KAZN: variants seen among roughly 807,000 people sequenced by gnomAD.
KAZN encodes kazrin.
A neutral mutation model predicts 87.4 loss-of-function variants in KAZN; 40 were observed. The observed-to-expected ratio is 0.46, with a 90% CI of 0.36 to 0.60. The LOEUF (loss-of-function observed/expected upper bound fraction) is 0.60. Ranked by LOEUF, KAZN falls within the 20% of genes least tolerant of loss-of-function variation. The pLI is 0.00. For missense variants in KAZN, 898 were observed against 1,073.9 expected (o/e 0.84, Z 2.29); for synonymous variants, 466 against 458.3 (o/e 1.02, Z -0.22).
At chr1:13,999,330 G>A (rs997149919) in intron 1 of KAZN, among the ~76,000 whole-genome samples, 3 of 149,974 alleles carry the variant, frequency 2.0e-5, no homozygotes, top group South Asian at 2.1e-4. Flanking sequence ...CCTGGGTGAC[G>A]GTGCAAGACT....
chr1:14,073,882 T>A (rs572678295), intron 1 of KAZN, among the ~76,000 whole-genome samples: 55 of 152,174 alleles, frequency 3.6e-4, no homozygotes, highest in Non-Finnish European at 7.4e-5. Flanking sequence ...GTCTTTATAG[T>A]GGAATGATTT....
chr1:14,178,188 C>G (rs930009763), intron 1 of KAZN, among the ~76,000 whole-genome samples: 5 of 152,154 alleles, frequency 3.3e-5, no homozygotes, highest in African/African-American at 1.2e-4. Flanking sequence ...TTTCCTGAGG[C>G]CTCCCCAGCC....
chr1:13,908,023 T>C lies in KAZN; in HGVS notation c.91+14267T>C, dbSNP rs72639048. On this transcript the variant is annotated intron_variant, in intron 1 of 16. Transcript: ENST00000636203. ...TTAGCAGTGGTAGCAGGAGATGGAA[T>C]AGATGACAAGGCAAAGAGAACATTT... is the stretch of plus-strand genomic sequence containing the variant. 3.4e-3 allele frequency among the ~76,000 whole-genome samples: 516 copies of C among 152,334 alleles called. 3 individuals are homozygous for C. Among genetic ancestry groups the C allele is most frequent in the Non-Finnish European group, 4.1e-3 (276 of 68,026 alleles).
intron 1 of KAZN, among the ~76,000 whole-genome samples, chr1:14,884,657 G>A (rs1165526826): frequency 1.3e-5 from 2 of 152,234 alleles, no homozygotes; most frequent in African/African-American, 4.8e-5. Context: ...CACATGAGGA[G>A]CTTGTTAATT....
At chr1:14,364,597 G>GA (rs962818588) in intron 2 of KAZN, among the ~76,000 whole-genome samples, 3 of 151,994 alleles carry the variant, frequency 2.0e-5, no homozygotes, top group African/African-American at 4.8e-5. Context: ...ATCATTCTAA[G>GA]AAAAAAAATT....
intron 1 of KAZN, among the ~76,000 whole-genome samples, chr1:14,889,152 T>A (rs1434765523): frequency 1.3e-5 from 2 of 152,130 alleles, no homozygotes; most frequent in Non-Finnish European, 2.9e-5. Flanking sequence ...TGCTCAAAGG[T>A]TACACACACC....
intron 2 of KAZN, among the ~76,000 whole-genome samples, chr1:14,430,415 A>T (rs1231674548): frequency 1.3e-5 from 2 of 152,188 alleles, no homozygotes; most frequent in African/African-American, 2.4e-5. Flanking sequence ...ATAAAGATTT[A>T]TCGAAAGAAA....
chr1:14,297,283 C>T (rs908696182), intron 2 of KAZN, among the ~76,000 whole-genome samples: 2 of 152,118 alleles, frequency 1.3e-5, no homozygotes, highest in Non-Finnish European at 2.9e-5. Flanking sequence ...ATGCCATATA[C>T]CATGTTTATT....
chr1:14,989,803 T>C (rs572713399), intron 2 of KAZN, among the ~76,000 whole-genome samples: 1 of 152,352 alleles, frequency 6.6e-6, no homozygotes, highest in South Asian at 2.1e-4. Flanking sequence ...ACCTGGTCTG[T>C]AGCTGCTTGC....
intron 1 of KAZN, among the ~76,000 whole-genome samples, chr1:14,957,823 G>A (rs1663323913): frequency 6.6e-6 from 1 of 152,224 alleles, no homozygotes. Flanking sequence ...TGCTAGGTGG[G>A]GCGGGGAGGC....
chr1:14,966,413 T>C (rs1383208168), intron 2 of KAZN, among the ~76,000 whole-genome samples: 2 of 152,350 alleles, frequency 1.3e-5, no homozygotes, highest in African/African-American at 4.8e-5. Flanking sequence ...TGAATTCTCA[T>C]CTCTGCTCCG....
intron 2 of KAZN, among the ~76,000 whole-genome samples, chr1:14,546,283 G>A (rs927896529): frequency 2.1e-4 from 32 of 152,146 alleles, no homozygotes; most frequent in African/African-American, 7.5e-4. Flanking sequence ...ATTTCAGTCG[G>A]GTTGTATGAC....
intron 2 of KAZN, among the ~76,000 whole-genome samples, chr1:15,008,286 T>C (rs6681053): frequency 0.18 from 26,906 of 151,972 alleles, 2,860 homozygotes; most frequent in African/African-American, 0.29. Context: ...TTTTCCCAAG[T>C]GGATGAGTGG....
At chr1:14,912,644 G>A (rs1258693467) in intron 1 of KAZN, among the ~76,000 whole-genome samples, 2 of 152,062 alleles carry the variant, frequency 1.3e-5, no homozygotes, top group Non-Finnish European at 2.9e-5. Context: ...GCCTCCCAAA[G>A]TGCTGGGATT....
chr1:14,530,433 ATG>A (rs1571873082), intron 2 of KAZN, among the ~76,000 whole-genome samples: 1 of 152,094 alleles, frequency 6.6e-6, no homozygotes, highest in African/African-American at 2.4e-5. Context: ...TTTGGTTTGG[ATG>A]TGTGTCTCCT....
intron 1 of KAZN, among the ~76,000 whole-genome samples, chr1:14,019,617 G>A (rs575296097): frequency 6.6e-6 from 1 of 152,284 alleles, no homozygotes; most frequent in South Asian, 2.1e-4. Flanking sequence ...CAGCAGGTGA[G>A]AACTCTAGTT....
At chr1:15,012,243 A>G (rs1317589311) in intron 2 of KAZN, among the ~76,000 whole-genome samples, 2 of 152,158 alleles carry the variant, frequency 1.3e-5, no homozygotes, top group Non-Finnish European at 2.9e-5. Context: ...AGGTACAGAA[A>G]GCTATTCTTA....
intron 1 of KAZN, among the ~76,000 whole-genome samples, chr1:14,018,223 C>T (rs950081227): frequency 6.6e-6 from 1 of 152,128 alleles, no homozygotes; most frequent in Non-Finnish European, 1.5e-5. Context: ...TGCCTTTACA[C>T]TCAGTTTTTC....
chr1:15,029,362 C>T (rs1249129739), intron 2 of KAZN, among the ~76,000 whole-genome samples: 3 of 152,200 alleles, frequency 2.0e-5, no homozygotes, highest in African/African-American at 7.2e-5. Flanking sequence ...TTGGGGAGAG[C>T]CGCAGGTCCC....
Sources: gnomAD v4.1 joint callset for allele counts (sites outside exome capture counted in the v4.1 genomes callset) on GRCh38, gnomAD v4.1.1 for gene constraint, MANE v1.5 for transcripts, NCBI Gene and HGNC (gene_info 2026-07-23, HGNC 2026-07-21) for gene names.